Variants in AHDC1 observed in about 807,000 individuals in gnomAD.
The protein encoded by AHDC1 is AT-hook DNA binding motif containing 1.
In AHDC1, 7 loss-of-function variants were observed where a neutral mutation model predicts 87.9. That is an observed-to-expected ratio of 0.08 (90% CI 0.05 to 0.15). AHDC1 has a LOEUF of 0.15. Among genes scored for constraint, AHDC1 ranks in the 10% least tolerant of loss-of-function variants. The pLI is 1.00. For synonymous variants in AHDC1, 1,051 were observed against 1,006.8 expected, an observed-to-expected ratio of 1.04 and a Z score of -0.83; for missense variants, 1,841 against 2,253.2, an observed-to-expected ratio of 0.82 and a Z score of 3.70.
At chr1:27,588,888 T>G (rs2089143648) in intron 3 of AHDC1, among the ~76,000 whole-genome samples, 1 of 152,020 alleles carries the variant, frequency 6.6e-6, no homozygotes, top group Non-Finnish European at 1.5e-5. Flanking sequence ...GTTGTGCACT[T>G]CTGCTAGGAG....
Position 27,598,451 on chromosome 1 carries a change from G to A in AHDC1, c.-629+4946C>T, listed in dbSNP as rs533351976. 6.6e-6 allele frequency among the ~76,000 whole-genome samples: 1 copy of A among 152,210 alleles called. No homozygotes were observed. The highest frequency in any genetic ancestry group is 2.4e-5 in the African/African-American group (1 of 41,450). ...CAATGGAAGAGATGCTGGGATCCAG[G>A]AGGGAGGGGCCAGGAGAGGCCAGGC... On this transcript the variant is annotated intron_variant, in intron 3 of 8. Transcript: ENST00000673934. This position sits in a 1 kb window ranked among gnomAD's most constrained non-coding sequence, Gnocchi z 4.2.
chr1:27,552,012 G>A lies in AHDC1; in HGVS notation c.104C>T (p.Pro35Leu), dbSNP rs1457439968. Reference protein sequence around the residue: ...PKYYPGGPPTPRPLLPTRPPA... With the variant: ...PKYYPGGPPTLRPLLPTRPPA... ...GGGCCGGGTGGGAAGCAGGGGCCGGGGGGTGGGGGGGCCGCCGGGGTAGTA... is the reference window on the plus strand; with the variant it reads ...GGGCCGGGTGGGAAGCAGGGGCCGGAGGGTGGGGGGGCCGCCGGGGTAGTA... The change falls in exon 8 of 9, where the codon CCC becomes CTC. Residue 35 changes from proline to leucine, a missense_variant. Pro to Leu is a moderately conservative substitution (Grantham distance 98). Coordinates refer to ENST00000673934, the MANE Select transcript of AHDC1 (RefSeq NM_001371928.1). 6 of 1,473,538 alleles carry A rather than the reference G, an allele frequency of 4.1e-6. No individual in the cohort carries two copies. The highest frequency in any genetic ancestry group is 5.4e-6 in the Non-Finnish European group (6 of 1,113,764). 91.3% of individuals were successfully genotyped at this position (1,473,538 alleles called of 1,614,324 possible). A position where few individuals can be genotyped will look rare whatever the true frequency, so the allele number is the denominator to read the frequency against.
At chr1:27,557,808 C>T (rs1372582071) in intron 5 of AHDC1, among the ~76,000 whole-genome samples, 10 of 152,156 alleles carry the variant, frequency 6.6e-5, no homozygotes, top group African/African-American at 7.2e-5. Context: ...TTCATACTTC[C>T]GGGTACCACA....
At chr1:27,564,684 T>C (rs2020242446) in intron 3 of AHDC1, among the ~76,000 whole-genome samples, 4 of 152,296 alleles carry the variant, frequency 2.6e-5, no homozygotes, top group Middle Eastern at 3.4e-3. Context: ...TGGGGTGTTG[T>C]TGGATGCAGT....
At chr1:27,570,321 A>G (rs2020512276) in intron 3 of AHDC1, among the ~76,000 whole-genome samples, 1 of 151,488 alleles carries the variant, frequency 6.6e-6, no homozygotes, top group South Asian at 2.1e-4. Flanking sequence ...ACCCCTCCAG[A>G]CCATCGCCCC....
At chr1:27,576,604 C>CT (rs2088758462) in intron 3 of AHDC1, among the ~76,000 whole-genome samples, 1 of 152,236 alleles carries the variant, frequency 6.6e-6, no homozygotes, top group Non-Finnish European at 1.5e-5. Context: ...CAGAAAAACT[C>CT]TGGTTCCAGA....
intron 3 of AHDC1, among the ~76,000 whole-genome samples, chr1:27,600,649 C>T (rs2089505521): frequency 2.6e-5 from 4 of 152,118 alleles, no homozygotes; most frequent in Non-Finnish European, 1.5e-5. Context: ...CCCTCTGGGG[C>T]TCTGCCAGTC....
intron 3 of AHDC1, among the ~76,000 whole-genome samples, chr1:27,573,156 G>A (rs1444294321): frequency 1.3e-5 from 2 of 152,136 alleles, no homozygotes; most frequent in African/African-American, 2.4e-5. Context: ...TACCTTGACA[G>A]GAATCTCCGA....
At chr1:27,555,625 C>T (rs114929991) in intron 5 of AHDC1, among the ~76,000 whole-genome samples, 1,745 of 152,298 alleles carry the variant, frequency 0.011, 36 homozygotes, top group African/African-American at 0.037. Context: ...AAAAGGGGCT[C>T]AGACTCTGGA....
At chr1:27,539,510 A>T (rs1451502299) in intron 8 of AHDC1, among the ~76,000 whole-genome samples, 1 of 151,702 alleles carries the variant, frequency 6.6e-6, no homozygotes, top group Non-Finnish European at 1.5e-5. Context: ...CAGCAGTGCA[A>T]TCTTGGCTTA....
chr1:27,573,355 T>TGCCA (rs59780113), intron 3 of AHDC1, among the ~76,000 whole-genome samples: 10,492 of 152,140 alleles, frequency 0.069, 887 homozygotes, highest in African/African-American at 0.21. Context: ...AACTCCTGGT[T>TGCCA]GCCCTTTTCT....
chr1:27,547,596 C>T lies in AHDC1; in HGVS notation c.4520G>A (p.Ser1507Asn), dbSNP rs1031272518. The change falls in exon 8 of 9, where the codon AGC becomes AAC. Residue 1507 changes from serine (S) to asparagine (N), a missense_variant. By Grantham distance (46) the Ser-to-Asn change is conservative. Transcript: ENST00000673934. This position sits in a 1 kb window ranked among gnomAD's most constrained non-coding sequence, Gnocchi z 4.9. ...GTCGGCCTTGGGCGTGGCTGGTGGG[C>T]TAGCCAGGTGAGGGGCACTGAGGCA... ...AACLSAPHLA[S>N]PPATPKADKE... 3 of 1,605,838 alleles carry T rather than the reference C, an allele frequency of 1.9e-6. No individual in the cohort carries two copies. Among genetic ancestry groups the T allele is most frequent in the African/African-American group, 2.7e-5 (2 of 74,880 alleles).
chr1:27,550,734 A>C lies in AHDC1; in HGVS notation c.1382T>G (p.Val461Gly). 3 of 1,591,570 alleles carry C rather than the reference A, an allele frequency of 1.9e-6. No homozygotes were observed. The South Asian group carries it at 3.4e-5, about 18-fold the overall frequency. The change falls in exon 8 of 9, where the codon GTC becomes GGC. Residue 461 changes from valine to glycine, a missense_variant. Around this residue, in one of 13 missense-constraint regions of AHDC1, gnomAD observed 370 missense variants for 391.5 expected, o/e 0.95. Coordinates refer to ENST00000673934, the MANE Select transcript of AHDC1 (RefSeq NM_001371928.1). The stretch of plus-strand genomic sequence containing the variant: ...CCGGCACTTGCCTTTGCGGGTAGAG[A>C]CCACTGGGGTCTGGGAAGATTCCGG... ...LKPESSQTPV[V>G]STRKGKCRGV...
intron 3 of AHDC1, among the ~76,000 whole-genome samples, chr1:27,592,192 C>T (rs1454214120): frequency 6.6e-6 from 1 of 152,220 alleles, no homozygotes; most frequent in Non-Finnish European, 1.5e-5. Context: ...TATGTGTGTG[C>T]ACACGCATGA....
Position 27,534,826 on chromosome 1 carries a change from T to G in AHDC1, c.*134A>C, listed in dbSNP as rs1490398950. 2.8e-5 allele frequency: 2 copies of G among 71,798 alleles called. No homozygotes were observed. The highest frequency in any genetic ancestry group is 5.8e-5 in the African/African-American group (1 of 17,112). 4.4% of individuals were successfully genotyped at this position (71,798 alleles called of 1,614,324 possible). A position where few individuals can be genotyped will look rare whatever the true frequency, so the allele number is the denominator to read the frequency against. ...GAGGGAGATGGGTCTGCAGGGGGTG[T>G]AGGGGGCAGGGTGGGAGGCAGAGGG... On this transcript the variant is annotated 3_prime_UTR_variant, in exon 9 of 9. Transcript: ENST00000673934.
chr1:27,601,020 T>C (rs1217634924), intron 3 of AHDC1, among the ~76,000 whole-genome samples: 2 of 152,186 alleles, frequency 1.3e-5, no homozygotes, highest in Non-Finnish European at 2.9e-5. Flanking sequence ...CCCACGACCC[T>C]GTTCCAGACC....
chr1:27,600,969 T>C (rs777320084), intron 3 of AHDC1, among the ~76,000 whole-genome samples: 1 of 152,182 alleles, frequency 6.6e-6, no homozygotes, highest in Non-Finnish European at 1.5e-5. Flanking sequence ...TGAGAAGCTA[T>C]GCTGTCCCAC....
At chr1:27,568,717 C>T (rs1401537501) in intron 3 of AHDC1, among the ~76,000 whole-genome samples, 1 of 151,398 alleles carries the variant, frequency 6.6e-6, no homozygotes, top group African/African-American at 2.4e-5. Flanking sequence ...CGCGGGTGCC[C>T]GGGAGGGGGC....
chr1:27,571,738 C>T (rs1037537357), intron 3 of AHDC1, among the ~76,000 whole-genome samples: 3 of 152,172 alleles, frequency 2.0e-5, no homozygotes, highest in African/African-American at 7.2e-5. Context: ...CTCCCCCTCC[C>T]AGGCTGGCAT....
Sources: gnomAD v4.1 joint callset for allele counts (sites outside exome capture counted in the v4.1 genomes callset) on GRCh38, gnomAD v4.1.1 for gene constraint, gnomAD v4.1.1 regional missense constraint, Gnocchi (gnomAD v3.1) non-coding constraint, MANE v1.5 for transcripts, NCBI Gene and HGNC (gene_info 2026-07-23, HGNC 2026-07-21) for gene names.